Variants in ITGAE observed in about 807,000 individuals in gnomAD.
ITGAE encodes integrin alpha-E.
In ITGAE, 99 loss-of-function variants were observed where a neutral mutation model predicts 136.5. The observed-to-expected ratio is 0.73, with a 90% CI of 0.62 to 0.86. The LOEUF is 0.86. Ranked by LOEUF, ITGAE falls within the 40% of genes least tolerant of loss-of-function variation. ITGAE has a pLI of 0.00. For synonymous variants in ITGAE, 613 were observed against 591.8 expected, an observed-to-expected ratio of 1.04 and a Z score of -0.52; for missense variants, 1,447 against 1,515.3, an observed-to-expected ratio of 0.95 and a Z score of 0.75.
At position 3,728,160 on chromosome 17, in the gene ITGAE, A is replaced by G; in HGVS notation, c.2921T>C (p.Ile974Thr). Residue 974 changes from isoleucine (I) to threonine (T), a missense_variant, in exon 25 of 31, where the codon ATA becomes ACA. Ile to Thr is a moderately conservative substitution (Grantham distance 89). Around this residue, in one of 3 missense-constraint regions of ITGAE, gnomAD observed 1,031 missense variants for 1,011.4 expected, o/e 1.02. Coordinates refer to ENST00000263087, the MANE Select transcript of ITGAE (RefSeq NM_002208.5). ...CCCCTGGCCTGTGTTCACGTACATTATGGATGGTCTGCAATTGACAGGACA... is the reference window on the plus strand; with the variant it reads ...CCCCTGGCCTGTGTTCACGTACATTGTGGATGGTCTGCAATTGACAGGACA... ...GFVAVLSKPS[I>T]MYVNTGQGLS... The G allele has an allele frequency of 1.2e-6, 2 of 1,612,814 alleles. No homozygotes were observed. Among genetic ancestry groups the G allele is most frequent in the Non-Finnish European group, 1.7e-6 (2 of 1,178,836 alleles).
rs1157117747 is a variant in ITGAE, at chr17:3,725,417, G to A, written c.3085-1673C>T. On this transcript the variant is annotated intron_variant, in intron 26 of 30. Transcript: ENST00000263087. ...GCTGTGAGAAGATTGGGGAAGGGGT[G>A]TTTGGCGAAGTGTTTCAAACAATTG... 3.7e-6 allele frequency: 6 copies of A among 1,614,088 alleles called. No individual in the cohort carries two copies. In the Admixed American group the frequency reaches 6.7e-5, roughly 18 times the overall value.
At position 3,755,184 on chromosome 17, in the gene ITGAE, C is replaced by T. The variant is rs1427850106; in HGVS notation, c.1317G>A (p.Arg439=). 2.6e-6 allele frequency: 4 copies of T among 1,557,170 alleles called. No individual in the cohort carries two copies. The highest frequency in any genetic ancestry group is 2.8e-5 in the African/African-American group (2 of 72,660). The change falls in exon 12 of 31, where the codon CGG becomes CGA. Residue 439 remains arginine, a synonymous_variant. Transcript: ENST00000263087. ...CCGCTGTCTGGTTCAGGAAGCGGCC[C>T]CGGCGGCTGCGTGTGTCGTAGAGCA... ...GALLYDTRSR[R]GRFLNQTAAA... is the part of the protein sequence containing the mutation.
chr17:3,728,272 T>C, intron 24 of ITGAE, 104 bp from the exon 25 acceptor site: 1 of 884,166 alleles, frequency 1.1e-6, no homozygotes, highest in Non-Finnish European at 1.9e-6. Context: ...GGAACAATCA[T>C]GGCTCAGTGT....
chr17:3,789,913 A>AT (rs1479224246), intron 1 of ITGAE, among the ~76,000 whole-genome samples: 2 of 152,200 alleles, frequency 1.3e-5, no homozygotes, highest in Non-Finnish European at 2.9e-5. Context: ...GAACCAAACT[A>AT]TTTTGTGAGC....
chr17:3,777,120 C>A, intron 2 of ITGAE, among the ~76,000 whole-genome samples: 1 of 152,146 alleles, frequency 6.6e-6, no homozygotes, highest in African/African-American at 2.4e-5. Flanking sequence ...GCCTCCTCGC[C>A]TGGCTAATTT....
chr17:3,766,776 T>G (rs2052306873), intron 2 of ITGAE, among the ~76,000 whole-genome samples: 2 of 149,176 alleles, frequency 1.3e-5, no homozygotes. Context: ...CACTCCAGCC[T>G]GGGTGAAAGA....
chr17:3,773,785 C>G (rs1054980317), intron 2 of ITGAE, among the ~76,000 whole-genome samples: 1 of 152,142 alleles, frequency 6.6e-6, no homozygotes, highest in Non-Finnish European at 1.5e-5. Flanking sequence ...ACCCTCTGAT[C>G]GTGCCTGGTT....
chr17:3,772,025 GCTTA>G (rs1423446889), intron 2 of ITGAE, among the ~76,000 whole-genome samples: 1 of 152,086 alleles, frequency 6.6e-6, no homozygotes, highest in Non-Finnish European at 1.5e-5. Flanking sequence ...CACTCTCCCA[GCTTA>G]CTTTTCATCA....
Position 3,745,631 on chromosome 17 carries a change from C to A in ITGAE, c.2319+133G>T, listed in dbSNP as rs1191399635. On this transcript the variant is annotated intron_variant, in intron 18 of 30. Coordinates refer to ENST00000263087, the MANE Select transcript of ITGAE (RefSeq NM_002208.5). ...TGCTGGGATGACAGGCGTGAGCCAC[C>A]GTGCCTGGCCTGTTATGATTATTTT... 3 of 892,738 alleles carry A rather than the reference C, an allele frequency of 3.4e-6. No homozygotes were observed. The Admixed American group carries it at 8.4e-5, about 25-fold the overall frequency. The allele number at this position is 892,738 out of a possible 1,614,324, so 55.3% of individuals were successfully genotyped here.
chr17:3,795,853 GTGTGCATCCA>G (rs2053057397), intron 1 of ITGAE, among the ~76,000 whole-genome samples: 2 of 150,978 alleles, frequency 1.3e-5, no homozygotes, highest in African/African-American at 4.9e-5. Context: ...GCATCTGTGT[GTGTGCATCCA>G]TGTGCATCCG....
intron 8 of ITGAE, among the ~76,000 whole-genome samples, chr17:3,758,814 C>T (rs575957345): frequency 7.3e-4 from 111 of 151,642 alleles, no homozygotes; most frequent in African/African-American, 2.6e-3. Context: ...TCAGTTTGCC[C>T]GGGGTCACAC....
At chr17:3,770,375 C>T (rs2052392092) in intron 2 of ITGAE, among the ~76,000 whole-genome samples, 1 of 152,054 alleles carries the variant, frequency 6.6e-6, no homozygotes, top group Admixed American at 6.6e-5. Flanking sequence ...AGTGATCTGC[C>T]GGCCTCAGCC....
rs923781539 is a variant in ITGAE at position 3,732,367 on chromosome 17, C to T, written c.2754+1G>A. On this transcript the variant is annotated splice_donor_variant, in intron 22 of 30. Transcript: ENST00000263087. LOFTEE classifies it high-confidence loss of function. ...GAGCGAATCAGTCCAAACCGACTCACAGATGACCTCTTGAGGACGGGGTGA... is the reference window on the plus strand; with the variant it reads ...GAGCGAATCAGTCCAAACCGACTCATAGATGACCTCTTGAGGACGGGGTGA... The T allele has an allele frequency of 6.2e-6, 10 of 1,612,612 alleles. No individual in the cohort carries two copies. Among genetic ancestry groups the T allele is most frequent in the Non-Finnish European group, 7.6e-6 (9 of 1,178,742 alleles).
At chr17:3,795,872 CGT>C (rs1178563095) in intron 1 of ITGAE, among the ~76,000 whole-genome samples, 2 of 129,860 alleles carry the variant, frequency 1.5e-5, no homozygotes, top group East Asian at 4.5e-4. Context: ...CATGTGCATC[CGT>C]GTGCGTGTGC....
intron 24 of ITGAE, 76 bp from the exon 25 acceptor site, chr17:3,728,244 C>T (rs530649877): frequency 1.8e-6 from 2 of 1,139,860 alleles, no homozygotes; most frequent in East Asian, 4.7e-5. Flanking sequence ...CACTCTGTTG[C>T]CCAGGCTAGA....
Position 3,728,044 on chromosome 17 carries a change from A to G in ITGAE, c.2977-18T>C, listed in dbSNP as rs1296767014. The G allele has an allele frequency of 6.2e-7, 1 of 1,609,242 alleles. No individual in the cohort carries two copies. Among genetic ancestry groups the G allele is most frequent in the Non-Finnish European group, 8.5e-7 (1 of 1,175,520 alleles). On this transcript the variant is annotated intron_variant, in intron 25 of 30. Coordinates refer to ENST00000263087, the MANE Select transcript of ITGAE (RefSeq NM_002208.5). ...CCATGTACCTGCAAATTAAAATCAG[A>G]GTAGGAAATCAAAGCTGGTATTGCT...
intron 3 of ITGAE, among the ~76,000 whole-genome samples, chr17:3,762,837 G>C (rs1038820489): frequency 2.0e-5 from 3 of 151,410 alleles, no homozygotes; most frequent in Non-Finnish European, 4.4e-5. Flanking sequence ...CCTGACCCAT[G>C]ATCGGCCCAC....
chr17:3,765,182 T>C (rs1003939920), intron 2 of ITGAE, among the ~76,000 whole-genome samples: 1 of 151,466 alleles, frequency 6.6e-6, no homozygotes, highest in Non-Finnish European at 1.5e-5. Context: ...ACCCCGTCTC[T>C]ACTAAAAATA....
intron 28 of ITGAE, chr17:3,722,602 C>T (rs555526633): frequency 6.6e-6 from 1 of 152,204 alleles, no homozygotes; most frequent in Non-Finnish European, 1.5e-5. Context: ...GTCTTGTGGC[C>T]AGAATAATGC....
Sources: allele counts gnomAD v4.1 joint callset (sites outside exome capture counted in the v4.1 genomes callset), GRCh38; gene constraint gnomAD v4.1.1; regional missense constraint gnomAD v4.1.1; transcripts MANE v1.5; gene names NCBI Gene and HGNC (gene_info 2026-07-23, HGNC 2026-07-21).